Variants in ART3 observed in about 807,000 individuals in gnomAD.
The protein encoded by ART3 is ecto-ADP-ribosyltransferase 3.
Under a neutral mutation model 48.5 loss-of-function variants are expected in ART3, and 49 were observed. The ratio of observed to expected loss-of-function variants is 1.01; its 90% CI spans 0.80 to 1.28. The LOEUF (loss-of-function observed/expected upper bound fraction) is 1.28. Ranked by LOEUF, ART3 falls within the 50% of genes most tolerant of loss-of-function variation. The pLI, the probability that ART3 is intolerant of heterozygous loss-of-function variation, is 0.00. For synonymous variants in ART3, 145 were observed against 157.2 expected, an observed-to-expected ratio of 0.92 and a Z score of 0.58; for missense variants, 438 against 454.3, an observed-to-expected ratio of 0.96 and a Z score of 0.33.
intron 1 of ART3, among the ~76,000 whole-genome samples, chr4:76,061,365 A>G (rs1165255252): frequency 6.6e-6 from 1 of 152,146 alleles, no homozygotes; most frequent in Non-Finnish European, 1.5e-5. Flanking sequence ...ATGCTATATA[A>G]TTGATACCAA....
chr4:76,044,965 G>A (rs1735356432), intron 1 of ART3, among the ~76,000 whole-genome samples: 2 of 152,012 alleles, frequency 1.3e-5, no homozygotes, highest in African/African-American at 4.8e-5. Flanking sequence ...TTGCAGCATG[G>A]GCATGTAGGA....
intron 3 of ART3, among the ~76,000 whole-genome samples, chr4:76,095,994 C>G (rs1255099734): frequency 6.6e-6 from 1 of 152,016 alleles, no homozygotes; most frequent in Non-Finnish European, 1.5e-5. Flanking sequence ...GCAATCTTGG[C>G]TCACTGCAAA....
At chr4:76,076,003 C>CCT (rs757214728) in intron 2 of ART3, 45 bp downstream of exon 2, 4 of 1,057,140 alleles carry the variant, frequency 3.8e-6, no homozygotes, top group Non-Finnish European at 4.0e-6. Flanking sequence ...AATGGAAATT[C>CCT]GTTTTTTTTT....
At chr4:76,046,919 C>T (rs1240274908) in intron 1 of ART3, among the ~76,000 whole-genome samples, 1 of 151,846 alleles carries the variant, frequency 6.6e-6, no homozygotes, top group African/African-American at 2.4e-5. Flanking sequence ...GAAGGCCGCG[C>T]CAGTGTCCAG....
At chr4:76,043,004 T>C (rs1242418846) in intron 1 of ART3, among the ~76,000 whole-genome samples, 2 of 151,818 alleles carry the variant, frequency 1.3e-5, no homozygotes, top group Non-Finnish European at 2.9e-5. Context: ...CCAGATTAGC[T>C]AGATACAGAG....
intron 1 of ART3, among the ~76,000 whole-genome samples, chr4:76,036,383 G>A (rs1734407830): frequency 6.6e-6 from 1 of 152,120 alleles, no homozygotes; most frequent in Admixed American, 6.5e-5. Context: ...CTGTGTTTCT[G>A]TTTTTGGTCC....
chr4:76,073,482 A>T (rs551749269), upstream of ART3, among the ~76,000 whole-genome samples: 30 of 152,334 alleles, frequency 2.0e-4, no homozygotes, highest in Non-Finnish European at 3.8e-4. Context: ...GTTGGAACAT[A>T]TCTCTATTCT....
chr4:76,109,484 A>AGTT (rs956558007), intron 11 of ART3, among the ~76,000 whole-genome samples: 1 of 152,176 alleles, frequency 6.6e-6, no homozygotes, highest in Non-Finnish European at 1.5e-5. Context: ...TTTTTTAATA[A>AGTT]GTTGAAGGAG....
intron 1 of ART3, among the ~76,000 whole-genome samples, chr4:76,062,138 G>A (rs1719276152): frequency 6.6e-6 from 1 of 152,170 alleles, no homozygotes; most frequent in Non-Finnish European, 1.5e-5. Flanking sequence ...AAAGCTACCA[G>A]ACCTACTCAT....
chr4:76,034,510 C>A, intron 1 of ART3: 1 of 517,488 alleles, frequency 1.9e-6, no homozygotes, highest in Non-Finnish European at 3.3e-6. Flanking sequence ...CGATGGTAAC[C>A]AGCCTTTCTT....
chr4:76,102,985 A>G (rs1172076003), intron 8 of ART3, among the ~76,000 whole-genome samples: 1 of 152,104 alleles, frequency 6.6e-6, no homozygotes, highest in African/African-American at 2.4e-5. Flanking sequence ...AGTGGGTTAA[A>G]TCTCTTCTTT....
intron 1 of ART3, among the ~76,000 whole-genome samples, chr4:76,043,197 G>A (rs576987687): frequency 1.3e-5 from 2 of 152,134 alleles, no homozygotes; most frequent in East Asian, 1.9e-4. Flanking sequence ...GGTTCTCCAC[G>A]TCCCCACCAG....
intron 1 of ART3, chr4:76,057,970 A>G (rs1718851344): frequency 1.3e-5 from 2 of 152,312 alleles, no homozygotes; most frequent in South Asian, 4.1e-4. Context: ...TGCTATGACC[A>G]TGTTTTAGTC....
chr4:76,070,945 T>C (rs530291070), upstream of ART3, among the ~76,000 whole-genome samples: 9 of 152,082 alleles, frequency 5.9e-5, no homozygotes, highest in East Asian at 1.6e-3. Context: ...TCATCCCCTT[T>C]TGCCTACTCA....
intron 1 of ART3, among the ~76,000 whole-genome samples, chr4:76,046,775 G>A (rs752783873): frequency 6.6e-6 from 1 of 151,964 alleles, no homozygotes; most frequent in East Asian, 1.9e-4. Flanking sequence ...AACAAAAAAG[G>A]CATGTGAAAA....
chr4:76,112,767 A>G lies in ART3; in HGVS notation c.*248A>G. 1 of 341,696 alleles carries G rather than the reference A, an allele frequency of 2.9e-6. No individual in the cohort carries two copies. The highest frequency in any genetic ancestry group is 7.2e-5 in the South Asian group (1 of 13,860). 21.2% of individuals were successfully genotyped at this position (341,696 alleles called of 1,614,324 possible). ...AAACTGTATACTTCTGATTAAATTCAATAAAAGATTTTGATTAGATATTTC... is the reference window on the plus strand; with the variant it reads ...AAACTGTATACTTCTGATTAAATTCGATAAAAGATTTTGATTAGATATTTC... On this transcript the variant is annotated 3_prime_UTR_variant, in exon 12 of 12. Transcript: ENST00000355810.
chr4:76,106,077 C>G, intron 10 of ART3: 1 of 985,188 alleles, frequency 1.0e-6, no homozygotes, highest in South Asian at 4.7e-5. Context: ...CTCATTTAAT[C>G]CAATACGATA....
At chr4:76,019,131 A>G (rs1339188840) in intron 1 of ART3, among the ~76,000 whole-genome samples, 1 of 151,948 alleles carries the variant, frequency 6.6e-6, no homozygotes. Context: ...ATTCTTTGTG[A>G]AAAAAATGGC....
chr4:76,102,675 G>C lies in ART3; in HGVS notation c.938-1262G>C, dbSNP rs1338599908. ...GAGTATAATATTAACTTTTAAAAAT[G>C]TATATGTATATATATGTATGCATAG... On this transcript the variant is annotated intron_variant, in intron 8 of 11. Coordinates refer to ENST00000355810, the MANE Select transcript of ART3 (RefSeq NM_001130016.3). Among the ~76,000 whole-genome samples, 2 of 116,592 alleles carry C rather than the reference G, an allele frequency of 1.7e-5. 1 individual carries two copies. The highest frequency in any genetic ancestry group is 4.2e-5 in the Non-Finnish European group (2 of 47,750). 76.5% of individuals were successfully genotyped at this position (116,592 alleles called of 152,430 possible). A position where few individuals can be genotyped will look rare whatever the true frequency, so the allele number is the denominator to read the frequency against.
Sources: gnomAD v4.1 joint callset for allele counts (sites outside exome capture counted in the v4.1 genomes callset) on GRCh38, gnomAD v4.1.1 for gene constraint, MANE v1.5 for transcripts, NCBI Gene and HGNC (gene_info 2026-07-23, HGNC 2026-07-21) for gene names.